Variants in EEFSEC observed in about 807,000 individuals in gnomAD.
EEFSEC encodes eukaryotic elongation factor, selenocysteine-tRNA specific.
A neutral mutation model predicts 42.1 loss-of-function variants in EEFSEC; 43 were observed. The ratio of observed to expected loss-of-function variants is 1.02; its 90% CI spans 0.80 to 1.32. The LOEUF (loss-of-function observed/expected upper bound fraction) is 1.32. Among genes scored for constraint, EEFSEC ranks in the 40% most tolerant of loss-of-function variants. The probability of loss-of-function intolerance (pLI) is 0.00; values close to 1 mark genes in which losing one functional copy is unlikely to be tolerated. For missense variants in EEFSEC, 745 were observed against 803.6 expected (o/e 0.93, Z 0.88); for synonymous variants, 354 against 339.1 (o/e 1.04, Z -0.48).
At chr3:128,319,148 CTG>C (rs1160298895) in intron 4 of EEFSEC, among the ~76,000 whole-genome samples, 2 of 152,210 alleles carry the variant, frequency 1.3e-5, no homozygotes, top group Non-Finnish European at 2.9e-5. Flanking sequence ...CCTTTCCCCA[CTG>C]TGTTTTTCTG....
intron 1 of EEFSEC, among the ~76,000 whole-genome samples, chr3:128,207,737 A>G (rs1026361319): frequency 6.6e-6 from 1 of 152,160 alleles, no homozygotes; most frequent in East Asian, 1.9e-4. Context: ...CAGAATTTCC[A>G]TTTGGAGTTT....
intron 1 of EEFSEC, among the ~76,000 whole-genome samples, chr3:128,183,284 T>C (rs1172126618): frequency 6.6e-6 from 1 of 152,232 alleles, no homozygotes; most frequent in Non-Finnish European, 1.5e-5. Context: ...TCTAATGAGT[T>C]AGACACTGTT....
chr3:128,358,207 G>A lies in EEFSEC; in HGVS notation c.1444-10G>A, dbSNP rs563131031. On this transcript the variant is annotated splice_polypyrimidine_tract_variant and intron_variant, in intron 5 of 6. Transcript: ENST00000254730. ...ATGCCCTCTCTCTGTGGCTGGGTGTGTGGGGACAGGCGATGGATGACTACA... is the reference window on the plus strand; with the variant it reads ...ATGCCCTCTCTCTGTGGCTGGGTGTATGGGGACAGGCGATGGATGACTACA... 16 of 1,613,370 alleles carry A rather than the reference G, an allele frequency of 9.9e-6. No homozygotes were observed. The South Asian group carries it at 1.4e-4, about 14-fold the overall frequency.
chr3:128,217,543 G>A (rs2065822197), intron 1 of EEFSEC, among the ~76,000 whole-genome samples: 1 of 152,202 alleles, frequency 6.6e-6, no homozygotes, highest in Non-Finnish European at 1.5e-5. Context: ...CGTGCACCTT[G>A]GCCATTGGTT....
intron 1 of EEFSEC, among the ~76,000 whole-genome samples, chr3:128,224,523 C>T (rs2107853431): frequency 6.6e-6 from 1 of 152,272 alleles, no homozygotes; most frequent in South Asian, 2.1e-4. Flanking sequence ...TTCAAACATA[C>T]TCAGGACAAA....
chr3:128,161,383 T>C (rs67575175), intron 1 of EEFSEC, among the ~76,000 whole-genome samples: 21,324 of 152,194 alleles, frequency 0.14, 1,691 homozygotes, highest in African/African-American at 0.21. Context: ...CTCTGGTGGC[T>C]GTGAGGATTA....
intron 4 of EEFSEC, among the ~76,000 whole-genome samples, chr3:128,271,743 G>A (rs1486434695): frequency 6.6e-6 from 1 of 152,078 alleles, no homozygotes; most frequent in Non-Finnish European, 1.5e-5. Flanking sequence ...CTGCAGGGCC[G>A]CTTCTGTGGC....
chr3:128,176,539 T>A (rs2065350109), intron 1 of EEFSEC, among the ~76,000 whole-genome samples: 1 of 152,270 alleles, frequency 6.6e-6, no homozygotes, highest in South Asian at 2.1e-4. Flanking sequence ...TAGGTACCAA[T>A]CACTGCTACA....
At chr3:128,168,896 G>A (rs1314466999) in intron 1 of EEFSEC, among the ~76,000 whole-genome samples, 2 of 152,138 alleles carry the variant, frequency 1.3e-5, no homozygotes, top group Non-Finnish European at 2.9e-5. Flanking sequence ...TTGGTTAGGC[G>A]ACCTTATTCC....
At chr3:128,328,906 C>T (rs918994261) in intron 4 of EEFSEC, among the ~76,000 whole-genome samples, 3 of 152,198 alleles carry the variant, frequency 2.0e-5, no homozygotes, top group African/African-American at 7.2e-5. Flanking sequence ...TAGCAGCCCC[C>T]TTTTGCAGCC....
intron 2 of EEFSEC, among the ~76,000 whole-genome samples, chr3:128,257,693 A>G (rs550135822): frequency 5.0e-4 from 76 of 152,342 alleles, no homozygotes; most frequent in African/African-American, 1.8e-3. Context: ...GTTTCATAAT[A>G]CTAAATTAAA....
rs1352735527 is a variant in EEFSEC at position 128,202,472 on chromosome 3, T to A, written c.317-44364T>A. 3.9e-5 allele frequency among the ~76,000 whole-genome samples: 6 copies of A among 152,364 alleles called. No homozygotes were observed. In the East Asian group the frequency reaches 1.2e-3, roughly 29 times the overall value. ...TTTGTTGCTAATATATTAACATAATTAGTTTATGTATATTCATCTTGTATC... is the reference window on the plus strand; with the variant it reads ...TTTGTTGCTAATATATTAACATAATAAGTTTATGTATATTCATCTTGTATC... On this transcript the variant is annotated intron_variant, in intron 1 of 6. Coordinates refer to ENST00000254730, the MANE Select transcript of EEFSEC (RefSeq NM_021937.5).
chr3:128,362,604 A>G (rs1378255248), intron 6 of EEFSEC, among the ~76,000 whole-genome samples: 1 of 152,222 alleles, frequency 6.6e-6, no homozygotes. Context: ...CTGCTTTAGC[A>G]TTGAGGGGCA....
intron 6 of EEFSEC, among the ~76,000 whole-genome samples, chr3:128,375,430 C>T (rs533049327): frequency 3.3e-5 from 5 of 152,338 alleles, no homozygotes; most frequent in African/African-American, 9.6e-5. Context: ...GCACTATGCT[C>T]AGAAGTTGCC....
intron 2 of EEFSEC, among the ~76,000 whole-genome samples, chr3:128,260,734 A>G (rs748987538): frequency 3.6e-4 from 55 of 152,250 alleles, no homozygotes; most frequent in Admixed American, 2.0e-4. Context: ...TTAAAACATC[A>G]AAAGCTCACT....
intron 1 of EEFSEC, among the ~76,000 whole-genome samples, chr3:128,236,734 A>G (rs1332928425): frequency 1.3e-5 from 2 of 151,754 alleles, no homozygotes; most frequent in Non-Finnish European, 2.9e-5. Context: ...TTGCCTACCA[A>G]CTCCTTCTCC....
chr3:128,366,527 A>G (rs1270958743), intron 6 of EEFSEC, among the ~76,000 whole-genome samples: 1 of 152,238 alleles, frequency 6.6e-6, no homozygotes, highest in African/African-American at 2.4e-5. Context: ...GCCTGAGGGC[A>G]CAGAGGAGGA....
intron 1 of EEFSEC, among the ~76,000 whole-genome samples, chr3:128,234,577 G>C (rs1378952131): frequency 6.6e-6 from 1 of 152,156 alleles, no homozygotes; most frequent in Non-Finnish European, 1.5e-5. Flanking sequence ...TTCCTCCACT[G>C]GTCTTGCAGA....
chr3:128,154,055 C>A, intron 1 of EEFSEC: 17 of 361,014 alleles, frequency 4.7e-5, no homozygotes, highest in South Asian at 7.6e-5. Flanking sequence ...AAGGCGCCTT[C>A]CTTAAAAAAA....
Sources: allele counts gnomAD v4.1 joint callset (sites outside exome capture counted in the v4.1 genomes callset), GRCh38; gene constraint gnomAD v4.1.1; transcripts MANE v1.5; gene names NCBI Gene and HGNC (gene_info 2026-07-23, HGNC 2026-07-21).